The following LPCAT3 variants were observed in gnomAD, a reference collection of about 807,000 sequenced individuals.
LPCAT3 encodes lysophospholipid acyltransferase 5.
LPCAT3 carries 21 observed loss-of-function variants against 63.4 expected under a neutral mutation model. That is an observed-to-expected ratio of 0.33 (90% confidence interval 0.23 to 0.48). LPCAT3 has a LOEUF of 0.48. LPCAT3 is among the 20% of genes least tolerant of loss of function. The pLI is 0.99. For missense variants in LPCAT3, 451 were observed against 590.6 expected (o/e 0.76, Z 2.45); for synonymous variants, 242 against 227.5 (o/e 1.06, Z -0.58).
chr12:7,000,807 C>T (rs1356890728), intron 1 of LPCAT3, among the ~76,000 whole-genome samples: 1 of 151,386 alleles, frequency 6.6e-6, no homozygotes, highest in Non-Finnish European at 1.5e-5. Flanking sequence ...CCCGGGTTCA[C>T]GCCATTCTCC....
chr12:6,999,871 C>G (rs1465294744), intron 1 of LPCAT3, among the ~76,000 whole-genome samples: 1 of 149,386 alleles, frequency 6.7e-6, no homozygotes, highest in African/African-American at 2.5e-5. Flanking sequence ...TCAGAATTAT[C>G]TAGTTTAAAA....
chr12:6,986,372 T>TA (rs1157642901), intron 1 of LPCAT3, among the ~76,000 whole-genome samples: 18 of 152,218 alleles, frequency 1.2e-4, no homozygotes, highest in Non-Finnish European at 1.5e-5. Flanking sequence ...TTCTTTTCTA[T>TA]AGTTTACTTT....
chr12:7,007,493 C>CTTTTTTTTT (rs1161030834), intron 1 of LPCAT3, among the ~76,000 whole-genome samples: 1 of 121,710 alleles, frequency 8.2e-6, no homozygotes, highest in African/African-American at 3.3e-5. Flanking sequence ...TTGACAAAAG[C>CTTTTTTTTT]TTTTTTTTTT....
chr12:6,989,724 C>G (rs1286330770), intron 1 of LPCAT3, among the ~76,000 whole-genome samples: 1 of 152,144 alleles, frequency 6.6e-6, no homozygotes, highest in Non-Finnish European at 1.5e-5. Context: ...CACTCAGTTC[C>G]AAGTGCTGTT....
At chr12:7,004,678 G>A (rs1555156757) in intron 1 of LPCAT3, among the ~76,000 whole-genome samples, 1 of 152,112 alleles carries the variant, frequency 6.6e-6, no homozygotes, top group Non-Finnish European at 1.5e-5. Context: ...CTGAAACTTC[G>A]GGTGTTCAAT....
chr12:6,977,232 T>C lies in LPCAT3; in HGVS notation c.1378A>G (p.Ile460Val). 6.2e-7 allele frequency: 1 copy of C among 1,614,058 alleles called. No individual in the cohort carries two copies. The highest frequency in any genetic ancestry group is 1.1e-5 in the South Asian group (1 of 91,080). Residue 460 changes from isoleucine to valine, a missense_variant, in exon 12 of 13, where the codon ATC becomes GTC. By Grantham distance (29) the Ile-to-Val change is conservative. This residue lies in a region of LPCAT3 where 304 missense variants were observed against 390.8 expected (regional missense o/e 0.78). Transcript: ENST00000261407. This position sits in a 1 kb window ranked among gnomAD's most constrained non-coding sequence, Gnocchi z 4.5. ...ATGAATAGTAGGCTCAGGAAGAAGA[T>C]GTGGCCAAGGAAATAGATGGATTTA... ...VYKSIYFLGHIFFLSLLFILP... is the reference protein window; with the variant it reads ...VYKSIYFLGHVFFLSLLFILP...
chr12:7,010,685 T>A (rs1487987175), intron 1 of LPCAT3, among the ~76,000 whole-genome samples: 1 of 152,230 alleles, frequency 6.6e-6, no homozygotes, highest in Non-Finnish European at 1.5e-5. Context: ...ATTTTTTTTG[T>A]AAATTAGCTT....
chr12:6,983,076 G>A (rs1247149049), intron 2 of LPCAT3: 4 of 542,712 alleles, frequency 7.4e-6, no homozygotes, highest in Non-Finnish European at 6.9e-6. Flanking sequence ...TGAATTCCGG[G>A]CTACCACACC....
At chr12:6,998,042 G>A (rs1433996276) in intron 1 of LPCAT3, among the ~76,000 whole-genome samples, 13 of 151,718 alleles carry the variant, frequency 8.6e-5, no homozygotes, top group African/African-American at 3.1e-4. Context: ...TTGAGGCAGG[G>A]TCTTGCTCTG....
At chr12:6,982,366 A>C (rs1555154219) in intron 3 of LPCAT3, among the ~76,000 whole-genome samples, 1 of 152,094 alleles carries the variant, frequency 6.6e-6, no homozygotes, top group African/African-American at 2.4e-5. Context: ...ACTCATTCTA[A>C]GTTGCTTTTC....
chr12:6,983,765 A>G (rs1395740223), intron 1 of LPCAT3, among the ~76,000 whole-genome samples: 1 of 152,244 alleles, frequency 6.6e-6, no homozygotes, highest in African/African-American at 2.4e-5. Context: ...GATTGAGGCA[A>G]TATAAAGCTG....
intron 1 of LPCAT3, among the ~76,000 whole-genome samples, chr12:7,010,233 A>T (rs755193389): frequency 3.9e-4 from 59 of 151,638 alleles, no homozygotes; most frequent in Non-Finnish European, 6.0e-4. Flanking sequence ...TTTTCTCAAA[A>T]TTTTTTTTTC....
At position 6,990,555 on chromosome 12, in the gene LPCAT3, AAATAAATAAATT is replaced by A. The variant is rs1451039645; in HGVS notation, c.152-7028_152-7017del. The stretch of plus-strand genomic sequence containing the variant: ...TAAATAAATAAATAAATAAATAAAT[AAATAAATAAATT>A]GAGCACCCCAAACAACTTTTGTTAA... On this transcript the variant is annotated intron_variant, in intron 1 of 12. Transcript: ENST00000261407. Among the ~76,000 whole-genome samples the A allele has an allele frequency of 3.9e-3, 563 of 146,056 alleles. 2 individuals are homozygous for A. Among genetic ancestry groups the A allele is most frequent in the African/African-American group, 0.012 (470 of 38,262 alleles).
At chr12:6,993,641 T>C (rs1419740388) in intron 1 of LPCAT3, among the ~76,000 whole-genome samples, 6 of 152,224 alleles carry the variant, frequency 3.9e-5, no homozygotes, top group African/African-American at 7.2e-5. Flanking sequence ...TCAGGCAATG[T>C]GTAGACCTTT....
In LPCAT3 at chr12:6,976,728, A is replaced by C. The variant is rs1371720201; in HGVS notation, c.*176T>G. The C allele has an allele frequency of 6.2e-6, 1 of 160,358 alleles. No homozygotes were observed. Among genetic ancestry groups the C allele is most frequent in the Non-Finnish European group, 1.4e-5 (1 of 72,494 alleles). 9.9% of individuals were successfully genotyped at this position (160,358 alleles called of 1,614,324 possible). The stretch of plus-strand genomic sequence containing the variant: ...ACAAAGCAAGACGCCTTCTCCAAAA[A>C]AAAGTTTCCCCTTTGGCCCCAAATG... On this transcript the variant is annotated 3_prime_UTR_variant, in exon 13 of 13. Coordinates refer to ENST00000261407, the MANE Select transcript of LPCAT3 (RefSeq NM_005768.6).
In LPCAT3 at chr12:6,989,578, G is replaced by A. The variant is rs1555155220; in HGVS notation, c.152-6039C>T. On this transcript the variant is annotated intron_variant, in intron 1 of 12. Transcript: ENST00000261407. ...CTCCCAAAGTGCTGGGATTACAAGC[G>A]TGAGTCACCGTGCCCGGCCAATGCT... 3.9e-5 allele frequency among the ~76,000 whole-genome samples: 6 copies of A among 152,184 alleles called. 1 individual carries two copies. Among genetic ancestry groups the A allele is most frequent in the Non-Finnish European group, 1.5e-5 (1 of 68,010 alleles).
chr12:6,977,357 CT>C lies in LPCAT3; in HGVS notation c.1347+9del. On this transcript the variant is annotated intron_variant, in intron 11 of 12. Coordinates refer to ENST00000261407, the MANE Select transcript of LPCAT3 (RefSeq NM_005768.6). The surrounding 1 kb of genome is among the most constrained non-coding windows in gnomAD (Gnocchi z 4.5). ...GTCCCTCCCAGTCTCACAAGCAGGC[CT>C]TCACTTGCCTTAAGCCATTTGTCCC... 1 of 1,614,170 alleles carries C rather than the reference CT, an allele frequency of 6.2e-7. No individual in the cohort carries two copies.
intron 6 of LPCAT3, chr12:6,980,772 T>C (rs1946462408): frequency 2.7e-6 from 1 of 367,110 alleles, no homozygotes; most frequent in South Asian, 1.1e-4. Context: ...GGCAAAATCC[T>C]GTGGCATAAA....
intron 1 of LPCAT3, among the ~76,000 whole-genome samples, 153 bp from the exon 2 acceptor site, chr12:6,983,692 G>A (rs945908102): frequency 6.6e-6 from 1 of 152,014 alleles, no homozygotes; most frequent in Non-Finnish European, 1.5e-5. Context: ...AGGCAATAAC[G>A]GTATCCCCAA....
Sources: allele counts gnomAD v4.1 joint callset (sites outside exome capture counted in the v4.1 genomes callset), GRCh38; gene constraint gnomAD v4.1.1; regional missense constraint gnomAD v4.1.1; non-coding constraint Gnocchi (gnomAD v3.1); transcripts MANE v1.5; gene names NCBI Gene and HGNC (gene_info 2026-07-23, HGNC 2026-07-21).